The following PPARGC1A variants were observed in gnomAD, a reference collection of about 807,000 sequenced individuals.
PPARGC1A encodes PPARG coactivator 1 alpha.
A neutral mutation model predicts 88.7 loss-of-function variants in PPARGC1A; 25 were observed. The ratio of observed to expected loss-of-function variants is 0.28; its 90% CI spans 0.21 to 0.39. The LOEUF (loss-of-function observed/expected upper bound fraction) is 0.39, where lower values mean the gene tolerates loss of function less well. PPARGC1A is among the 10% of genes least tolerant of loss of function. The probability of loss-of-function intolerance (pLI) is 1.00; values close to 1 mark genes in which losing one functional copy is unlikely to be tolerated. For synonymous variants in PPARGC1A, 363 were observed against 355.6 expected (o/e 1.02, Z -0.24); for missense variants, 880 against 968.7 (o/e 0.91, Z 1.22).
At chr4:24,263,747 C>A in the PPARGC1A span, among the ~76,000 whole-genome samples, 7 of 152,104 alleles carry the variant, frequency 4.6e-5, no homozygotes, top group Admixed American at 4.6e-4. Flanking sequence ...ATTTTCTCTT[C>A]CTTATGATTT....
At chr4:24,258,339 A>C in the PPARGC1A span, 1 of 254,272 alleles carries the variant, frequency 3.9e-6, no homozygotes, top group Non-Finnish European at 6.2e-6. Flanking sequence ...ATAAGGTTTT[A>C]AATTATTCGT....
chr4:23,974,064 A>T, the PPARGC1A span, among the ~76,000 whole-genome samples: 2 of 152,204 alleles, frequency 1.3e-5, no homozygotes, highest in Non-Finnish European at 2.9e-5. Context: ...ACCAAGATGG[A>T]AAAGGAGAGG....
the PPARGC1A span, among the ~76,000 whole-genome samples, chr4:24,374,972 A>AAAAAGTAG: frequency 2.6e-5 from 4 of 151,706 alleles, no homozygotes; most frequent in African/African-American, 7.3e-5. Context: ...AGTAATAGTC[A>AAAAAGTAG]AAAAGTAGAA....
the PPARGC1A span, among the ~76,000 whole-genome samples, chr4:23,962,005 C>T: frequency 1.3e-5 from 2 of 152,198 alleles, no homozygotes; most frequent in Middle Eastern, 3.4e-3. Context: ...GGTGCCATTT[C>T]CAACTAAATC....
the PPARGC1A span, among the ~76,000 whole-genome samples, chr4:24,210,293 T>C: frequency 6.6e-6 from 1 of 152,216 alleles, no homozygotes; most frequent in Non-Finnish European, 1.5e-5. Context: ...TAAAGTTGTT[T>C]TCTTAAATAG....
chr4:23,812,931 A>G, intron 9 of PPARGC1A, 64 bp from the exon 10 acceptor site: 1 of 1,613,138 alleles, frequency 6.2e-7, no homozygotes, highest in Non-Finnish European at 8.5e-7. Flanking sequence ...ATGAATAATA[A>G]TATGGGGAGG....
At chr4:24,327,881 C>G in the PPARGC1A span, among the ~76,000 whole-genome samples, 1 of 152,122 alleles carries the variant, frequency 6.6e-6, no homozygotes, top group Non-Finnish European at 1.5e-5. Flanking sequence ...CACGTGTATG[C>G]CCAGATGGCC....
the PPARGC1A span, among the ~76,000 whole-genome samples, chr4:24,279,252 T>C: frequency 2.6e-5 from 4 of 152,290 alleles, no homozygotes; most frequent in East Asian, 7.7e-4. Context: ...CCGCTACAAA[T>C]ATGTGGTGCA....
At chr4:24,370,423 G>A in the PPARGC1A span, among the ~76,000 whole-genome samples, 1 of 152,112 alleles carries the variant, frequency 6.6e-6, no homozygotes, top group African/African-American at 2.4e-5. Flanking sequence ...TGACACATAA[G>A]GAGACACATA....
At chr4:24,403,443 A>G in the PPARGC1A span, among the ~76,000 whole-genome samples, 1 of 152,228 alleles carries the variant, frequency 6.6e-6, no homozygotes, top group African/African-American at 2.4e-5. Context: ...CCTTCTCAGG[A>G]TGTGGGTGAG....
the PPARGC1A span, among the ~76,000 whole-genome samples, chr4:23,981,468 T>G: frequency 6.6e-6 from 1 of 152,126 alleles, no homozygotes; most frequent in Non-Finnish European, 1.5e-5. Context: ...AGTCTCCTTG[T>G]ATAGTCACTC....
At chr4:24,471,104 C>T in the PPARGC1A span, among the ~76,000 whole-genome samples, 1 of 151,564 alleles carries the variant, frequency 6.6e-6, no homozygotes, top group Non-Finnish European at 1.5e-5. The surrounding 1 kb of genome is among the most constrained non-coding windows in gnomAD (Gnocchi z 5.4). Context: ...GGAGAGGCGC[C>T]GCGGAGGCCA....
At chr4:24,121,131 C>T in the PPARGC1A span, among the ~76,000 whole-genome samples, 5 of 152,218 alleles carry the variant, frequency 3.3e-5, no homozygotes, top group African/African-American at 9.6e-5. Flanking sequence ...TGTCACACCA[C>T]TGGGACTTCC....
Position 23,793,999 on chromosome 4 carries a change from A to G in PPARGC1A, c.*1823T>C, listed in dbSNP as rs2109288002. 6.5e-6 allele frequency: 1 copy of G among 152,746 alleles called. No homozygotes were observed. The highest frequency in any genetic ancestry group is 2.1e-4 in the South Asian group (1 of 4,832). The allele number at this position is 152,746 out of a possible 1,614,324, so 9.5% of individuals were successfully genotyped here. ...AGGAATGAAATATCAGTATTTATAC[A>G]GGATGCATAACTGTAAAAAATACAG... On this transcript the variant is annotated 3_prime_UTR_variant, in exon 13 of 13. Transcript: ENST00000264867.
the PPARGC1A span, among the ~76,000 whole-genome samples, chr4:24,213,369 T>G: frequency 1.3e-5 from 2 of 152,066 alleles, no homozygotes; most frequent in African/African-American, 4.8e-5. Context: ...GGTTTCACTG[T>G]GTTAGCCAGA....
At chr4:23,905,197 G>A (rs1719893385), upstream of PPARGC1A, among the ~76,000 whole-genome samples, 1 of 152,162 alleles carries the variant, frequency 6.6e-6, no homozygotes, top group African/African-American at 2.4e-5. Flanking sequence ...GTCCACAAAA[G>A]GGCAAACATA....
At chr4:24,426,774 A>G in the PPARGC1A span, among the ~76,000 whole-genome samples, 1 of 152,184 alleles carries the variant, frequency 6.6e-6, no homozygotes, top group African/African-American at 2.4e-5. Flanking sequence ...GTGTTATCAC[A>G]CCAGGAATCT....
the PPARGC1A span, among the ~76,000 whole-genome samples, chr4:24,243,145 G>T: frequency 6.6e-6 from 1 of 152,270 alleles, no homozygotes; most frequent in Admixed American, 6.5e-5. Context: ...TGGTTCACCA[G>T]AACTGCTCAT....
chr4:23,821,006 C>G (rs1178507154), intron 7 of PPARGC1A, among the ~76,000 whole-genome samples: 1 of 152,122 alleles, frequency 6.6e-6, no homozygotes, highest in Admixed American at 6.6e-5. Context: ...TGCCACCCAC[C>G]TGCTGCACCT....
Sources: allele counts gnomAD v4.1 joint callset (sites outside exome capture counted in the v4.1 genomes callset), GRCh38; gene constraint gnomAD v4.1.1; non-coding constraint Gnocchi (gnomAD v3.1); transcripts MANE v1.5; gene names NCBI Gene and HGNC (gene_info 2026-07-23, HGNC 2026-07-21).